The following MED13L variants were observed in gnomAD, a reference collection of about 807,000 sequenced individuals.
MED13L encodes the protein mediator complex subunit 13L.
MED13L carries 7 observed loss-of-function variants against 220.9 expected under a neutral mutation model. That is an observed-to-expected ratio of 0.03 (90% confidence interval 0.02 to 0.06). MED13L has a LOEUF of 0.06. MED13L is among the 10% of genes least tolerant of loss of function. The pLI, the probability that MED13L is intolerant of heterozygous loss-of-function variation, is 1.00. For missense variants in MED13L, 1,965 were observed against 2,760.5 expected, an observed-to-expected ratio of 0.71 and a Z score of 6.46; for synonymous variants, 1,011 against 1,015.2, an observed-to-expected ratio of 1.00 and a Z score of 0.08.
intron 4 of MED13L, among the ~76,000 whole-genome samples, chr12:116,032,363 A>G (rs532605462): frequency 1.3e-5 from 2 of 152,264 alleles, no homozygotes; most frequent in Admixed American, 1.3e-4. Context: ...TAATTAAACC[A>G]TGGTAATTAT....
At chr12:116,211,971 T>G (rs902874154) in intron 2 of MED13L, among the ~76,000 whole-genome samples, 1 of 152,168 alleles carries the variant, frequency 6.6e-6, no homozygotes, top group Admixed American at 6.5e-5. Context: ...TTAAAATAAG[T>G]TGAAATAATG....
chr12:115,980,821 G>C lies in MED13L; in HGVS notation c.5293C>G (p.Gln1765Glu), dbSNP rs1877275921. ...YCQCRRPLPT[Q>E]IHIKSLTGFG... ...CCCGTGAGGGATTTAATGTGGATCT[G>C]TGTAGGCAGTGGTCGCCTGCACTGG... The change falls in exon 23 of 31, where the codon CAG becomes GAG. Residue 1765 changes from glutamine to glutamate, a missense_variant. Transcript: ENST00000281928. 3 of 1,614,018 alleles carry C rather than the reference G, an allele frequency of 1.9e-6. No individual in the cohort carries two copies. In the East Asian group the frequency reaches 6.7e-5, roughly 36 times the overall value.
intron 4 of MED13L, among the ~76,000 whole-genome samples, chr12:116,031,799 G>GGAAGGAAGGAAGGAAGGAAA (rs1566021028): frequency 1.4e-5 from 2 of 146,494 alleles, no homozygotes; most frequent in Admixed American, 6.9e-5. Context: ...AAGGAAGGAA[G>GGAAGGAAGGAAGGAAGGAAA]GAAAGAAAGA....
At chr12:116,027,996 T>C (rs1880504736) in intron 4 of MED13L, among the ~76,000 whole-genome samples, 1 of 152,188 alleles carries the variant, frequency 6.6e-6, no homozygotes, top group Non-Finnish European at 1.5e-5. Context: ...ATTCCGGTGT[T>C]TTCATACAAA....
At chr12:116,031,738 AAGAAAAGAAAAGAAAAGAAAAGAAG>A (rs1592967169) in intron 4 of MED13L, among the ~76,000 whole-genome samples, 1 of 71,772 alleles carries the variant, frequency 1.4e-5, no homozygotes, top group Non-Finnish European at 2.4e-5. Context: ...AAGAAAAGAA[AAGAAAAGAAAAGAAAAGAAAAGAAG>A]GAAGGAAGGA....
intron 4 of MED13L, among the ~76,000 whole-genome samples, chr12:116,031,864 T>C (rs1039189035): frequency 2.0e-5 from 3 of 151,828 alleles, no homozygotes; most frequent in Non-Finnish European, 4.4e-5. Context: ...CAGATGGATA[T>C]AATTTTCTTG....
In MED13L at chr12:116,043,000, C is replaced by T. The variant is rs149075101; in HGVS notation, c.480-20399G>A. Among the ~76,000 whole-genome samples the T allele has an allele frequency of 3.4e-3, 518 of 151,800 alleles. 5 individuals are homozygous for T. The highest frequency in any genetic ancestry group is 0.02 in the Middle Eastern group (6 of 294). On this transcript the variant is annotated intron_variant, in intron 4 of 30. Coordinates refer to ENST00000281928, the MANE Select transcript of MED13L (RefSeq NM_015335.5). ...CATGTTAAACAAAGCCCTCACAGAA[C>T]GTAAACTTTTAATTTTTTTATTCAG...
At chr12:116,048,880 G>A (rs1881992651) in intron 4 of MED13L, among the ~76,000 whole-genome samples, 1 of 152,052 alleles carries the variant, frequency 6.6e-6, no homozygotes, top group African/African-American at 2.4e-5. Flanking sequence ...TAATATTCTT[G>A]TGCTGTCTCT....
intron 2 of MED13L, among the ~76,000 whole-genome samples, chr12:116,136,302 T>C (rs1185904944): frequency 6.6e-6 from 1 of 152,174 alleles, no homozygotes; most frequent in Non-Finnish European, 1.5e-5. Context: ...TAAGTGTTTC[T>C]CAAATTGGGG....
chr12:116,041,152 G>A (rs1881501394), intron 4 of MED13L, among the ~76,000 whole-genome samples: 8 of 152,170 alleles, frequency 5.3e-5, no homozygotes, highest in Admixed American at 5.2e-4. Flanking sequence ...CTCATGTGTT[G>A]AGGGAGGGGC....
intron 1 of MED13L, among the ~76,000 whole-genome samples, chr12:116,249,310 C>A (rs1294156398): frequency 6.6e-6 from 1 of 152,028 alleles, no homozygotes; most frequent in East Asian, 1.9e-4. Flanking sequence ...AATAATCAAG[C>A]CTCAGAAAAA....
chr12:116,072,540 C>T (rs948600214), intron 4 of MED13L, among the ~76,000 whole-genome samples: 2 of 152,186 alleles, frequency 1.3e-5, no homozygotes, highest in Non-Finnish European at 1.5e-5. Context: ...CAAGCTCCGC[C>T]TCCCGGGTTC....
chr12:116,204,716 T>C (rs778117525), intron 2 of MED13L, among the ~76,000 whole-genome samples: 5 of 152,222 alleles, frequency 3.3e-5, no homozygotes, highest in Non-Finnish European at 2.9e-5. Context: ...CTGTTTTCCC[T>C]AGACCTGGCT....
chr12:116,277,012 C>A (rs1283031904), intron 1 of MED13L, 48 bp downstream of exon 1: 3 of 1,263,368 alleles, frequency 2.4e-6, no homozygotes, highest in South Asian at 2.6e-5. Context: ...GGTCGGGGAC[C>A]CCCCCCCTTC....
intron 4 of MED13L, among the ~76,000 whole-genome samples, chr12:116,094,736 G>T (rs1417025744): frequency 6.6e-6 from 1 of 152,132 alleles, no homozygotes; most frequent in African/African-American, 2.4e-5. Context: ...GATGTACTCA[G>T]AATGATAAAG....
At chr12:115,999,656 A>C (rs1157369122) in intron 14 of MED13L, among the ~76,000 whole-genome samples, 1 of 152,088 alleles carries the variant, frequency 6.6e-6, no homozygotes, top group East Asian at 1.9e-4. Flanking sequence ...CTTTCTTATA[A>C]GTATCCTATG....
chr12:116,051,820 C>CAAAAAAAAAAAAA (rs1287445525), intron 4 of MED13L, among the ~76,000 whole-genome samples: 12 of 151,998 alleles, frequency 7.9e-5, no homozygotes, highest in Non-Finnish European at 1.5e-4. Context: ...TGTGGGCACT[C>CAAAAAAAAAAAAA]AAAAAGTTAC....
intron 1 of MED13L, among the ~76,000 whole-genome samples, chr12:116,254,525 G>A (rs920706104): frequency 1.3e-5 from 2 of 152,070 alleles, no homozygotes; most frequent in African/African-American, 4.8e-5. Context: ...AAGGCAGGCA[G>A]ATCACTTTAG....
chr12:116,178,623 T>C (rs1209640960), intron 2 of MED13L, among the ~76,000 whole-genome samples: 2 of 152,232 alleles, frequency 1.3e-5, no homozygotes. Context: ...GTGATACTTC[T>C]GCACTGTTCT....
Sources: gnomAD v4.1 joint callset for allele counts (sites outside exome capture counted in the v4.1 genomes callset) on GRCh38, gnomAD v4.1.1 for gene constraint, MANE v1.5 for transcripts, NCBI Gene and HGNC (gene_info 2026-07-23, HGNC 2026-07-21) for gene names.